Variants in ITCH observed in about 807,000 individuals in gnomAD.
ITCH encodes the protein itchy E3 ubiquitin protein ligase.
Under a neutral mutation model 126.8 loss-of-function variants are expected in ITCH, and 28 were observed. The ratio of observed to expected loss-of-function variants is 0.22; its 90% CI spans 0.16 to 0.30. The LOEUF (loss-of-function observed/expected upper bound fraction) is 0.30. Among genes scored for constraint, ITCH ranks in the 10% least tolerant of loss-of-function variants. The pLI, the probability that ITCH is intolerant of heterozygous loss-of-function variation, is 1.00. For missense variants in ITCH, 631 were observed against 1,032.4 expected, an observed-to-expected ratio of 0.61 and a Z score of 5.33; for synonymous variants, 342 against 340.0, an observed-to-expected ratio of 1.01 and a Z score of -0.06.
intron 2 of ITCH, among the ~76,000 whole-genome samples, chr20:34,372,384 C>CTTTTTTTTTTTT (rs779017298): frequency 0.023 from 2,159 of 92,822 alleles, 381 homozygotes; most frequent in African/African-American, 0.069. Context: ...TTAAGTTCTA[C>CTTTTTTTTTTTT]TTTTTTTTTT....
At chr20:34,501,580 A>G (rs2146554722) in intron 23 of ITCH, among the ~76,000 whole-genome samples, 1 of 152,274 alleles carries the variant, frequency 6.6e-6, no homozygotes, top group East Asian at 1.9e-4. Flanking sequence ...GTTCGAGACC[A>G]GCCTGACCAA....
At position 34,510,989 on chromosome 20, in the gene ITCH, G is replaced by A. The variant is rs919401032; in HGVS notation, c.*3195G>A. Reference sequence around the variant, plus strand: ...TTTTTACTTATCTGGTTAATAATCCGAAATGTTACCGGGGTTGACTCACGG... The same window carrying A: ...TTTTTACTTATCTGGTTAATAATCCAAAATGTTACCGGGGTTGACTCACGG... On this transcript the variant is annotated 3_prime_UTR_variant, in exon 25 of 25. Coordinates refer to ENST00000374864, the MANE Select transcript of ITCH (RefSeq NM_031483.7). 4.6e-5 allele frequency: 7 copies of A among 152,084 alleles called. No homozygotes were observed. In the East Asian group the frequency reaches 9.6e-4, roughly 21 times the overall value. 9.4% of individuals were successfully genotyped at this position (152,084 alleles called of 1,614,324 possible).
chr20:34,413,871 G>A lies in ITCH; in HGVS notation c.467G>A (p.Cys156Tyr), dbSNP rs149625278. 750 of 1,612,954 alleles carry A rather than the reference G, an allele frequency of 4.6e-4. 5 individuals carry two copies. In the South Asian group the frequency reaches 6.5e-3, roughly 14 times the overall value. The change falls in exon 6 of 25, where the codon TGT (cysteine) becomes TAT (tyrosine). Residue 156 changes from cysteine (C) to tyrosine (Y), a missense_variant. Transcript: ENST00000374864. ...GTTGTTACCAATGGTGAAACTACAT[G>A]TTCAGAAAGTAAGTGACTACCTTTT... ...SEVVTNGETTCSESASQNDDG... is the reference protein window; with the variant it reads ...SEVVTNGETTYSESASQNDDG...
At chr20:34,390,443 CTTTTTTTTTTTT>C (rs546555130) in intron 2 of ITCH, among the ~76,000 whole-genome samples, 2,830 of 90,882 alleles carry the variant, frequency 0.031, 122 homozygotes, top group African/African-American at 0.09. Flanking sequence ...CAAGAATAAT[CTTTTTTTTTTTT>C]TTTTTTTTTT....
At chr20:34,406,040 A>T (rs2378203) in intron 3 of ITCH, among the ~76,000 whole-genome samples, 81,802 of 149,136 alleles carry the variant, frequency 0.55, 22,548 homozygotes, top group African/African-American at 0.64. Flanking sequence ...TTTTTTTTTT[A>T]AAAGACAGTT....
intron 4 of ITCH, among the ~76,000 whole-genome samples, chr20:34,410,578 C>T (rs1978877768): frequency 6.6e-6 from 1 of 152,008 alleles, no homozygotes. Context: ...AATGACTGCA[C>T]ATGTTTGCAA....
rs191499961 is a variant in ITCH at position 34,510,918 on chromosome 20, A to C, written c.*3124A>C. 16 of 152,308 alleles carry C rather than the reference A, an allele frequency of 1.1e-4. No individual in the cohort carries two copies. Among genetic ancestry groups the C allele is most frequent in the African/African-American group, 3.9e-4 (16 of 41,556 alleles). The allele number at this position is 152,308 out of a possible 1,614,324, so 9.4% of individuals were successfully genotyped here. ...TGAAACTTGACTCAACTATACACAA[A>C]GTTCTCATCCTAAATGAACTATTTC... On this transcript the variant is annotated 3_prime_UTR_variant, in exon 25 of 25. Coordinates refer to ENST00000374864, the MANE Select transcript of ITCH (RefSeq NM_031483.7).
intron 7 of ITCH, among the ~76,000 whole-genome samples, chr20:34,436,989 C>T (rs1283030135): frequency 6.6e-6 from 1 of 151,926 alleles, no homozygotes; most frequent in African/African-American, 2.4e-5. Context: ...ATTAGCTGCG[C>T]GTGGTGGCAG....
At chr20:34,473,038 A>G (rs530295881) in intron 16 of ITCH, among the ~76,000 whole-genome samples, 1 of 152,342 alleles carries the variant, frequency 6.6e-6, no homozygotes, top group South Asian at 2.1e-4. Context: ...AAAATAACTG[A>G]CTAGATGGTT....
chr20:34,365,759 A>C (rs954068038), intron 1 of ITCH, among the ~76,000 whole-genome samples: 3 of 152,204 alleles, frequency 2.0e-5, no homozygotes, highest in African/African-American at 7.2e-5. Context: ...CAGACAAACC[A>C]GTAGTCCCCA....
intron 16 of ITCH, chr20:34,476,548 C>CT: frequency 1.2e-6 from 1 of 850,654 alleles, no homozygotes; most frequent in Non-Finnish European, 1.5e-6. Context: ...ATTTGCGTTG[C>CT]TGTATACCTA....
At chr20:34,475,612 C>T (rs1403589218) in intron 16 of ITCH, among the ~76,000 whole-genome samples, 1 of 151,914 alleles carries the variant, frequency 6.6e-6, no homozygotes, top group Non-Finnish European at 1.5e-5. Flanking sequence ...GCAGTACAGT[C>T]CAGCTTCGGC....
chr20:34,401,315 A>T (rs1386463698), intron 3 of ITCH, among the ~76,000 whole-genome samples: 2 of 151,756 alleles, frequency 1.3e-5, no homozygotes, highest in Non-Finnish European at 2.9e-5. Flanking sequence ...ATTTTTTTTT[A>T]AATTACAAGC....
At chr20:34,505,717 G>A (rs187977309) in intron 24 of ITCH, among the ~76,000 whole-genome samples, 43 of 151,922 alleles carry the variant, frequency 2.8e-4, no homozygotes, top group Admixed American at 2.8e-3. Flanking sequence ...CACCACGCAT[G>A]GCTAATTTTT....
intron 23 of ITCH, among the ~76,000 whole-genome samples, chr20:34,494,368 G>C (rs1409149311): frequency 2.0e-5 from 3 of 152,236 alleles, no homozygotes; most frequent in African/African-American, 7.2e-5. Context: ...AGAGGTCTCA[G>C]AAGGGTGATT....
intron 12 of ITCH, among the ~76,000 whole-genome samples, chr20:34,450,603 C>T (rs988398606): frequency 3.3e-5 from 5 of 152,070 alleles, no homozygotes; most frequent in Admixed American, 6.6e-5. Flanking sequence ...GAAAGTTTTG[C>T]ATAGAAGCAA....
intron 1 of ITCH, among the ~76,000 whole-genome samples, chr20:34,367,009 T>C (rs905616111): frequency 1.3e-5 from 2 of 152,148 alleles, no homozygotes; most frequent in African/African-American, 2.4e-5. Flanking sequence ...TTTTTAGAGC[T>C]AATCTGGGTA....
chr20:34,438,667 T>G (rs116524084), intron 8 of ITCH, 36 bp downstream of exon 8: 1 of 1,610,432 alleles, frequency 6.2e-7, no homozygotes, highest in Admixed American at 1.7e-5. Context: ...TTGGAAATAA[T>G]GTCCTGGTTG....
chr20:34,457,294 G>A (rs1451403915), intron 12 of ITCH, 96 bp from the exon 13 acceptor site: 8 of 830,134 alleles, frequency 9.6e-6, no homozygotes, highest in Non-Finnish European at 1.6e-5. Flanking sequence ...AATGAAATGA[G>A]AAATGGGCAA....
Sources: gnomAD v4.1 joint callset for allele counts (sites outside exome capture counted in the v4.1 genomes callset) on GRCh38, gnomAD v4.1.1 for gene constraint, MANE v1.5 for transcripts, NCBI Gene and HGNC (gene_info 2026-07-23, HGNC 2026-07-21) for gene names.